FOXP1: variants seen among roughly 807,000 people sequenced by gnomAD.
FOXP1 encodes the protein forkhead box P1.
FOXP1 carries 15 observed loss-of-function variants against 98.2 expected under a neutral mutation model. That is an observed-to-expected ratio of 0.15 (90% confidence interval 0.10 to 0.24). The LOEUF (loss-of-function observed/expected upper bound fraction) is 0.24, where lower values mean the gene tolerates loss of function less well. Ranked by LOEUF, FOXP1 falls within the 10% of genes least tolerant of loss-of-function variation. The probability of loss-of-function intolerance (pLI) is 1.00; values close to 1 mark genes in which losing one functional copy is unlikely to be tolerated. For missense variants in FOXP1, 633 were observed against 848.5 expected, an observed-to-expected ratio of 0.75 and a Z score of 3.15; for synonymous variants, 371 against 314.5, an observed-to-expected ratio of 1.18 and a Z score of -1.90.
Position 70,978,008 on chromosome 3 carries a change from T to C in FOXP1, c.1168A>G (p.Thr390Ala). The C allele has an allele frequency of 6.2e-7, 1 of 1,613,614 alleles. No individual in the cohort carries two copies. Among genetic ancestry groups the C allele is most frequent in the Non-Finnish European group, 8.5e-7 (1 of 1,179,864 alleles). The change falls in exon 15 of 21, where the codon ACT becomes GCT. Residue 390 changes from threonine (T) to alanine (A), a missense_variant. Physicochemically the swap from Thr to Ala is moderately conservative, Grantham distance 58 (BLOSUM62 0). Coordinates refer to ENST00000649528, the MANE Select transcript of FOXP1 (RefSeq NM_001349338.3). Reference protein sequence around the residue: ...PQPLNLVSSVTLSKSASEASP... With the variant: ...PQPLNLVSSVALSKSASEASP... Reference sequence around the variant, plus strand: ...GCCTCCGATGCGGACTTGGAGAGAGTGACACTTGATACCAGATTCAACTGC... The same window carrying C: ...GCCTCCGATGCGGACTTGGAGAGAGCGACACTTGATACCAGATTCAACTGC...
At chr3:71,458,477 G>A (rs1021503195) in intron 3 of FOXP1, among the ~76,000 whole-genome samples, 3 of 152,100 alleles carry the variant, frequency 2.0e-5, no homozygotes, top group South Asian at 2.1e-4. Flanking sequence ...CAGATCAAAC[G>A]AAATATACAT....
At chr3:70,987,035 A>G (rs2039863587) in intron 14 of FOXP1, among the ~76,000 whole-genome samples, 1 of 152,256 alleles carries the variant, frequency 6.6e-6, no homozygotes, top group South Asian at 2.1e-4. Context: ...GCATCATTGC[A>G]TATTGATTAA....
At chr3:71,506,481 C>T (rs893074255) in intron 2 of FOXP1, among the ~76,000 whole-genome samples, 6 of 152,176 alleles carry the variant, frequency 3.9e-5, no homozygotes, top group African/African-American at 1.4e-4. Flanking sequence ...TTTGCCAAAT[C>T]CCCAGGTTTT....
At chr3:71,493,719 C>T (rs185127591) in intron 2 of FOXP1, among the ~76,000 whole-genome samples, 164 bp from the exon 3 acceptor site, 3 of 152,226 alleles carry the variant, frequency 2.0e-5, no homozygotes, top group Non-Finnish European at 4.4e-5. Context: ...AAATATGAAC[C>T]GGAAATACTG....
At chr3:71,459,931 C>CGTTT (rs1334419290) in intron 3 of FOXP1, among the ~76,000 whole-genome samples, 1 of 137,026 alleles carries the variant, frequency 7.3e-6, no homozygotes, top group Non-Finnish European at 1.6e-5. Flanking sequence ...GCCCCATCTT[C>CGTTT]TTTTTTTTTT....
At chr3:70,974,374 TGAA>T (rs2037046967) in intron 17 of FOXP1, among the ~76,000 whole-genome samples, 1 of 152,170 alleles carries the variant, frequency 6.6e-6, no homozygotes, top group Non-Finnish European at 1.5e-5. Context: ...TATGGCTCAC[TGAA>T]GCCTTGTATT....
intron 2 of FOXP1, among the ~76,000 whole-genome samples, chr3:71,576,103 A>AT (rs2107839688): frequency 6.6e-6 from 1 of 152,314 alleles, no homozygotes; most frequent in East Asian, 1.9e-4. Context: ...ATTCAGATCC[A>AT]TTTTTCCCTC....
Position 71,558,802 on chromosome 3 carries a change from C to CTTTTTTT in FOXP1, c.-298+22740_-298+22746dup, listed in dbSNP as rs35405702. Among the ~76,000 whole-genome samples the CTTTTTTT allele has an allele frequency of 3.3e-3, 387 of 117,512 alleles. 5 individuals carry two copies. The highest frequency in any genetic ancestry group is 0.013 in the African/African-American group (373 of 29,128). The allele number at this position is 117,512 out of a possible 152,430, so 77.1% of individuals were successfully genotyped here. A position where few individuals can be genotyped will look rare whatever the true frequency, so the allele number is the denominator to read the frequency against. On this transcript the variant is annotated intron_variant, in intron 2 of 20. Coordinates refer to ENST00000649528, the MANE Select transcript of FOXP1 (RefSeq NM_001349338.3). ...AGCCACCACACCCAGCCGATTCTCA[C>CTTTTTTT]TTTTTTTTTTTTTTTTTTGAGGCAG...
intron 4 of FOXP1, among the ~76,000 whole-genome samples, chr3:71,327,061 A>G (rs747369552): frequency 6.6e-6 from 1 of 152,122 alleles, no homozygotes; most frequent in Non-Finnish European, 1.5e-5. Context: ...TGCACTGCCC[A>G]TTCTAGAATC....
intron 6 of FOXP1, among the ~76,000 whole-genome samples, chr3:71,138,139 T>C (rs1047951825): frequency 6.6e-6 from 1 of 152,176 alleles, no homozygotes; most frequent in African/African-American, 2.4e-5. Flanking sequence ...CTTTTTCTAA[T>C]TAAGGAACAA....
intron 6 of FOXP1, among the ~76,000 whole-genome samples, chr3:71,163,789 A>C (rs945653492): frequency 6.6e-6 from 1 of 152,148 alleles, no homozygotes; most frequent in African/African-American, 2.4e-5. Context: ...GAGGCCAGCC[A>C]AAACAAACAG....
intron 6 of FOXP1, among the ~76,000 whole-genome samples, chr3:71,137,896 T>C (rs975130710): frequency 1.3e-5 from 2 of 152,036 alleles, no homozygotes; most frequent in African/African-American, 4.8e-5. Context: ...CTCCTGTGAA[T>C]ACAGAAATCT....
intron 6 of FOXP1, among the ~76,000 whole-genome samples, chr3:71,160,915 G>GGT (rs1319730086): frequency 1.3e-5 from 2 of 152,196 alleles, no homozygotes; most frequent in Non-Finnish European, 2.9e-5. Context: ...GCCTGAGAGA[G>GGT]GTCAGAAGTC....
intron 20 of FOXP1, among the ~76,000 whole-genome samples, chr3:70,962,746 A>ATGAT (rs1292494387): frequency 1.3e-5 from 2 of 152,224 alleles, no homozygotes; most frequent in African/African-American, 4.8e-5. Context: ...CCAGAATTGA[A>ATGAT]TGATAGAAGA....
intron 2 of FOXP1, among the ~76,000 whole-genome samples, chr3:71,524,237 G>A (rs574793292): frequency 7.2e-5 from 11 of 152,182 alleles, no homozygotes; most frequent in Middle Eastern, 3.4e-3. Flanking sequence ...GGTGGTGTAC[G>A]CCTATAATCC....
chr3:71,508,736 C>T (rs1292377638), intron 2 of FOXP1, among the ~76,000 whole-genome samples: 1 of 152,202 alleles, frequency 6.6e-6, no homozygotes, highest in East Asian at 1.9e-4. Flanking sequence ...ACAACCACCC[C>T]TCTCTGGCCC....
chr3:71,020,720 C>T (rs1237117436), intron 11 of FOXP1, among the ~76,000 whole-genome samples: 2 of 152,132 alleles, frequency 1.3e-5, no homozygotes, highest in Admixed American at 1.3e-4. Context: ...AGGCAGATTC[C>T]GAGCTTTTCC....
intron 7 of FOXP1, among the ~76,000 whole-genome samples, chr3:71,070,637 C>T (rs970755907): frequency 1.3e-5 from 2 of 152,196 alleles, no homozygotes; most frequent in African/African-American, 4.8e-5. Flanking sequence ...GGGCCCTCTC[C>T]CCTGCTACGG....
intron 7 of FOXP1, among the ~76,000 whole-genome samples, chr3:71,094,074 G>A (rs1282731743): frequency 6.6e-6 from 1 of 152,058 alleles, no homozygotes; most frequent in Non-Finnish European, 1.5e-5. Flanking sequence ...GAACTTTGAA[G>A]CCAGGGGCCA....
Sources: gnomAD v4.1 joint callset for allele counts (sites outside exome capture counted in the v4.1 genomes callset) on GRCh38, gnomAD v4.1.1 for gene constraint, MANE v1.5 for transcripts, NCBI Gene and HGNC (gene_info 2026-07-23, HGNC 2026-07-21) for gene names.